IPCEF1: variants seen among roughly 807,000 people sequenced by gnomAD.
IPCEF1 encodes the protein interaction protein for cytohesin exchange factors 1.
Under a neutral mutation model 50.9 loss-of-function variants are expected in IPCEF1, and 31 were observed. That is an observed-to-expected ratio of 0.61 (90% CI 0.46 to 0.82). The LOEUF (loss-of-function observed/expected upper bound fraction) is 0.82. Among genes scored for constraint, IPCEF1 ranks in the 40% least tolerant of loss-of-function variants. The pLI is 0.00. For missense variants in IPCEF1, 458 were observed against 514.0 expected (o/e 0.89, Z 1.05); for synonymous variants, 181 against 192.0 (o/e 0.94, Z 0.47).
At chr6:154,288,128 A>G (rs905069004) in intron 2 of IPCEF1, among the ~76,000 whole-genome samples, 3 of 152,240 alleles carry the variant, frequency 2.0e-5, no homozygotes, top group Non-Finnish European at 4.4e-5. Flanking sequence ...CTACAGAAAA[A>G]GAAAGAGAAG....
intron 1 of IPCEF1, among the ~76,000 whole-genome samples, chr6:154,297,740 G>A (rs1782699621): frequency 1.3e-5 from 2 of 152,092 alleles, no homozygotes; most frequent in Non-Finnish European, 2.9e-5. Context: ...ACATAACAAG[G>A]GTCATTCTGT....
chr6:154,245,348 G>A (rs1205728313), intron 5 of IPCEF1, among the ~76,000 whole-genome samples: 1 of 152,050 alleles, frequency 6.6e-6, no homozygotes, highest in African/African-American at 2.4e-5. Flanking sequence ...TTTTCATGAG[G>A]TGAAGCTGGA....
chr6:154,180,386 CTA>C (rs58975780), intron 10 of IPCEF1, among the ~76,000 whole-genome samples: 945 of 88,250 alleles, frequency 0.011, 7 homozygotes, highest in African/African-American at 0.016. Flanking sequence ...ACAACAACAA[CTA>C]TATATATATA....
intron 5 of IPCEF1, among the ~76,000 whole-genome samples, chr6:154,235,214 C>A (rs1337915335): frequency 6.6e-6 from 1 of 152,158 alleles, no homozygotes; most frequent in Non-Finnish European, 1.5e-5. Context: ...AAATCAGGTG[C>A]ATTCTCTTTG....
At chr6:154,221,200 G>A (rs1178570514) in intron 7 of IPCEF1, 57 bp downstream of exon 7, 3 of 1,253,314 alleles carry the variant, frequency 2.4e-6, no homozygotes, top group South Asian at 2.5e-5. Flanking sequence ...TCCAGTACCA[G>A]GCTAAAGTTA....
At chr6:154,220,641 A>T (rs1283000643) in intron 7 of IPCEF1, among the ~76,000 whole-genome samples, 5 of 152,136 alleles carry the variant, frequency 3.3e-5, no homozygotes, top group Non-Finnish European at 7.4e-5. Flanking sequence ...GACTGTCTCA[A>T]AAATAAATAA....
chr6:154,261,900 G>A (rs1201067314), intron 3 of IPCEF1, among the ~76,000 whole-genome samples: 2 of 152,146 alleles, frequency 1.3e-5, no homozygotes, highest in Non-Finnish European at 2.9e-5. Context: ...CTCAATAAGT[G>A]TTAGTTTAGT....
At chr6:154,254,371 T>C (rs1781409331) in intron 3 of IPCEF1, among the ~76,000 whole-genome samples, 1 of 151,932 alleles carries the variant, frequency 6.6e-6, no homozygotes, top group Non-Finnish European at 1.5e-5. Context: ...GGAGAAGGGG[T>C]AGAGAGAGAC....
chr6:154,176,518 A>C (rs139765112), intron 10 of IPCEF1, among the ~76,000 whole-genome samples: 6,286 of 152,266 alleles, frequency 0.041, 428 homozygotes, highest in African/African-American at 0.14. Flanking sequence ...AAGCATTCCA[A>C]TACACCAATA....
intron 1 of IPCEF1, among the ~76,000 whole-genome samples, chr6:154,308,073 C>G (rs1471479403): frequency 6.6e-6 from 1 of 152,102 alleles, no homozygotes; most frequent in African/African-American, 2.4e-5. Flanking sequence ...TGTAAACAGA[C>G]AGTAGTAAAT....
intron 3 of IPCEF1, among the ~76,000 whole-genome samples, chr6:154,250,197 C>A (rs1474146359): frequency 3.3e-5 from 5 of 151,682 alleles, no homozygotes; most frequent in Non-Finnish European, 7.4e-5. Context: ...GGAAGTGGAA[C>A]CCGTGAACTA....
intron 10 of IPCEF1, among the ~76,000 whole-genome samples, chr6:154,176,820 A>G (rs1297036474): frequency 1.3e-5 from 2 of 151,382 alleles, no homozygotes; most frequent in Middle Eastern, 3.4e-3. Context: ...TTTAAATTTC[A>G]TATGAAACCA....
chr6:154,209,851 T>C (rs978112464), intron 9 of IPCEF1, among the ~76,000 whole-genome samples: 12 of 152,170 alleles, frequency 7.9e-5, no homozygotes, highest in African/African-American at 2.9e-4. Flanking sequence ...TCAACGTTTA[T>C]CTGACGATTT....
intron 3 of IPCEF1, among the ~76,000 whole-genome samples, chr6:154,265,016 C>T (rs1781718058): frequency 6.6e-6 from 1 of 152,186 alleles, no homozygotes; most frequent in African/African-American, 2.4e-5. Flanking sequence ...CTGCTTTTAG[C>T]TCTGCTCCTC....
intron 1 of IPCEF1, among the ~76,000 whole-genome samples, chr6:154,293,845 A>C (rs891446762): frequency 6.6e-6 from 1 of 152,254 alleles, no homozygotes; most frequent in Non-Finnish European, 1.5e-5. Context: ...GCTTAAATAT[A>C]TAAATTGGGG....
intron 1 of IPCEF1, among the ~76,000 whole-genome samples, chr6:154,340,466 G>A (rs1051412484): frequency 1.3e-5 from 2 of 151,760 alleles, no homozygotes; most frequent in African/African-American, 2.4e-5. Context: ...GGCCAGGCTA[G>A]TCTCAAACTC....
At chr6:154,167,129 C>T (rs906893706) in intron 11 of IPCEF1, among the ~76,000 whole-genome samples, 42 of 152,276 alleles carry the variant, frequency 2.8e-4, no homozygotes, top group African/African-American at 9.9e-4. Context: ...AGGCCACAGA[C>T]AAAACAAAAT....
intron 1 of IPCEF1, among the ~76,000 whole-genome samples, chr6:154,347,136 G>C (rs1332102725): frequency 6.6e-6 from 1 of 152,126 alleles, no homozygotes; most frequent in African/African-American, 2.4e-5. Context: ...TCTGGGGTTG[G>C]ATTATACACA....
intron 7 of IPCEF1, among the ~76,000 whole-genome samples, chr6:154,216,002 C>T (rs1369910110): frequency 1.3e-5 from 2 of 152,130 alleles, no homozygotes; most frequent in African/African-American, 4.8e-5. Flanking sequence ...GAAAAAGAAG[C>T]ATTGTCACCT....
Sources: allele counts gnomAD v4.1 joint callset (sites outside exome capture counted in the v4.1 genomes callset), GRCh38; gene constraint gnomAD v4.1.1; transcripts MANE v1.5; gene names NCBI Gene and HGNC (gene_info 2026-07-23, HGNC 2026-07-21).